The following ESR2 variants were observed in gnomAD, a reference collection of about 807,000 sequenced individuals.
The protein encoded by ESR2 is estrogen receptor beta.
Under a neutral mutation model 49.6 loss-of-function variants are expected in ESR2, and 36 were observed. That is an observed-to-expected ratio of 0.73 (90% confidence interval 0.56 to 0.96). The LOEUF (loss-of-function observed/expected upper bound fraction) is 0.96. ESR2 is among the 40% of genes least tolerant of loss of function. ESR2 has a pLI of 0.00. For synonymous variants in ESR2, 320 were observed against 266.1 expected, an observed-to-expected ratio of 1.20 and a Z score of -1.97; for missense variants, 714 against 693.0, an observed-to-expected ratio of 1.03 and a Z score of -0.34.
chr14:64,300,486 G>A (rs1378502305), intron 1 of ESR2, among the ~76,000 whole-genome samples: 1 of 152,222 alleles, frequency 6.6e-6, no homozygotes, highest in African/African-American at 2.4e-5. Context: ...CAGGCTGGGT[G>A]TGGTGGCTCA....
intron 5 of ESR2, chr14:64,260,066 G>A (rs556908326): frequency 5.8e-4 from 267 of 464,072 alleles, no homozygotes; most frequent in African/African-American, 5.0e-3. Flanking sequence ...ATGAGAGGTG[G>A]CCAACAGGTG....
At position 64,260,688 on chromosome 14, in the gene ESR2, T is replaced by TTC; in HGVS notation, c.712_713insGA (p.Gln238ArgfsTer27). ...CTTGGCCTTGCCGGCACAGTGCAGC[T>TTC]GCTCGTCGGCACTTCTCTGTCTCCG... On this transcript the variant is annotated frameshift_variant, in exon 5 of 9. Transcript: ENST00000341099. LOFTEE classifies it high-confidence loss of function. 1 of 1,556,600 alleles carries TTC rather than the reference T, an allele frequency of 6.4e-7. No homozygotes were observed.
intron 1 of ESR2, among the ~76,000 whole-genome samples, chr14:64,303,157 T>A (rs1333342508): frequency 6.6e-6 from 1 of 152,136 alleles, no homozygotes; most frequent in Non-Finnish European, 1.5e-5. Flanking sequence ...AAACCCCGAG[T>A]GGCTTGAATT....
At chr14:64,253,953 C>T (rs1418619272) in intron 6 of ESR2, among the ~76,000 whole-genome samples, 1 of 151,754 alleles carries the variant, frequency 6.6e-6, no homozygotes, top group Non-Finnish European at 1.5e-5. Flanking sequence ...TTTTTTTGAG[C>T]AATTAGACAG....
intron 4 of ESR2, among the ~76,000 whole-genome samples, chr14:64,261,232 C>CTTTTTTTTTTTTTTTTTTTTTTTTTTTTT (rs374264697): frequency 1.1e-5 from 1 of 88,682 alleles, no homozygotes; most frequent in Non-Finnish European, 2.1e-5. Context: ...TTTTATTTTT[C>CTTTTTTTTTTTTTTTTTTTTTTTTTTTTT]TTTTTTCTTT....
At chr14:64,332,856 A>G (rs1437689791) in intron 1 of ESR2, among the ~76,000 whole-genome samples, 1 of 147,588 alleles carries the variant, frequency 6.8e-6, no homozygotes, top group Non-Finnish European at 1.5e-5. Flanking sequence ...ACACACATTG[A>G]CCAGATAATC....
intron 4 of ESR2, among the ~76,000 whole-genome samples, chr14:64,262,432 T>A (rs2076242633): frequency 6.6e-6 from 1 of 152,144 alleles, no homozygotes; most frequent in South Asian, 2.1e-4. Flanking sequence ...TAAGTTTTAG[T>A]GATATAGAAA....
At chr14:64,245,321 G>A (rs1255329063) in intron 7 of ESR2, among the ~76,000 whole-genome samples, 1 of 151,956 alleles carries the variant, frequency 6.6e-6, no homozygotes, top group African/African-American at 2.4e-5. Context: ...AGACCAGCCT[G>A]GCCAACATGG....
At chr14:64,302,512 C>T (rs1396805060) in intron 1 of ESR2, among the ~76,000 whole-genome samples, 1 of 151,886 alleles carries the variant, frequency 6.6e-6, no homozygotes, top group Admixed American at 6.6e-5. Context: ...ATTTAAAATA[C>T]AGATTCCCAG....
chr14:64,248,571 T>C (rs1011530317), intron 7 of ESR2, among the ~76,000 whole-genome samples: 1 of 151,752 alleles, frequency 6.6e-6, no homozygotes, highest in Non-Finnish European at 1.5e-5. Context: ...ATGGTGGTTA[T>C]TTTGAGGGCA....
At chr14:64,238,045 CAATA>C (rs1162594014) in intron 7 of ESR2, among the ~76,000 whole-genome samples, 1 of 152,054 alleles carries the variant, frequency 6.6e-6, no homozygotes, top group East Asian at 1.9e-4. Context: ...AATTATATCA[CAATA>C]AAGCTGTTAC....
At chr14:64,313,096 G>A (rs2077203620) in intron 1 of ESR2, among the ~76,000 whole-genome samples, 1 of 151,892 alleles carries the variant, frequency 6.6e-6, no homozygotes, top group African/African-American at 2.4e-5. Context: ...AAACAAAGTA[G>A]ACTTCAGAGC....
intron 1 of ESR2, among the ~76,000 whole-genome samples, chr14:64,316,117 T>G (rs2077251795): frequency 6.6e-6 from 1 of 151,864 alleles, no homozygotes; most frequent in Admixed American, 6.6e-5. Flanking sequence ...TCAAGACATC[T>G]TCCCACCTCA....
intron 3 of ESR2, among the ~76,000 whole-genome samples, chr14:64,278,476 G>A (rs961635014): frequency 2.6e-5 from 4 of 152,186 alleles, no homozygotes; most frequent in Non-Finnish European, 5.9e-5. Context: ...CAATGGGTGA[G>A]TTAATTTAGT....
chr14:64,262,228 C>T (rs1156281476), intron 4 of ESR2, among the ~76,000 whole-genome samples: 2 of 152,020 alleles, frequency 1.3e-5, no homozygotes, highest in Middle Eastern at 3.2e-3. Context: ...GATCCTCCCA[C>T]CTCAGCCTCC....
At chr14:64,322,081 A>C (rs1220556645) in intron 1 of ESR2, among the ~76,000 whole-genome samples, 1 of 152,014 alleles carries the variant, frequency 6.6e-6, no homozygotes, top group East Asian at 1.9e-4. Context: ...TATTTGAGAC[A>C]GAGTTTTGCT....
At chr14:64,234,882 GCAGA>G in intron 8 of ESR2, 84 bp downstream of exon 8, 1 of 1,552,738 alleles carries the variant, frequency 6.4e-7, no homozygotes, top group South Asian at 1.2e-5. Flanking sequence ...TCCTTAACTT[GCAGA>G]CACTTTTCCC....
In ESR2 at chr14:64,279,991, T is replaced by C. The variant is rs369907593; in HGVS notation, c.525A>G (p.Arg175=). The change falls in exon 3 of 9, where the codon AGA becomes AGG. Residue 175 remains arginine, a synonymous_variant. Coordinates refer to ENST00000341099, the MANE Select transcript of ESR2 (RefSeq NM_001437.3). ...SCEGCKAFFK[R]SIQGHNDYIC... ...ACAATTCTCTTGTACCTTGAATGCT[T>C]CTTTTAAAAAAGGCCTTACATCCTT... 5.6e-6 allele frequency: 9 copies of C among 1,613,502 alleles called. No homozygotes were observed. Among genetic ancestry groups the C allele is most frequent in the Non-Finnish European group, 7.6e-6 (9 of 1,179,482 alleles).
At chr14:64,315,517 C>G (rs2077243272) in intron 1 of ESR2, among the ~76,000 whole-genome samples, 1 of 151,930 alleles carries the variant, frequency 6.6e-6, no homozygotes, top group African/African-American at 2.4e-5. Context: ...CTCTGTTGCC[C>G]AGGCTGGAGT....
Sources: allele counts gnomAD v4.1 joint callset (sites outside exome capture counted in the v4.1 genomes callset), GRCh38; gene constraint gnomAD v4.1.1; transcripts MANE v1.5; gene names NCBI Gene and HGNC (gene_info 2026-07-23, HGNC 2026-07-21).